Variants in ABCC4 observed in about 807,000 individuals in gnomAD.
The protein encoded by ABCC4 is ATP binding cassette subfamily C member 4 (PEL blood group).
Under a neutral mutation model 168.5 loss-of-function variants are expected in ABCC4, and 102 were observed. The observed-to-expected ratio is 0.61, with a 90% CI of 0.52 to 0.71. The LOEUF (loss-of-function observed/expected upper bound fraction) is 0.71, where lower values mean the gene tolerates loss of function less well. ABCC4 is among the 30% of genes least tolerant of loss of function. ABCC4 has a pLI of 0.00. For synonymous variants in ABCC4, 617 were observed against 590.7 expected, an observed-to-expected ratio of 1.04 and a Z score of -0.65; for missense variants, 1,402 against 1,605.8, an observed-to-expected ratio of 0.87 and a Z score of 2.17.
At chr13:95,281,894 G>A (rs1422581780) in intron 1 of ABCC4, among the ~76,000 whole-genome samples, 1 of 152,158 alleles carries the variant, frequency 6.6e-6, no homozygotes, top group African/African-American at 2.4e-5. Flanking sequence ...ATCACCTGAG[G>A]TTAGGAGTTC....
chr13:95,189,726 A>G (rs1274514945), intron 9 of ABCC4, among the ~76,000 whole-genome samples: 1 of 152,174 alleles, frequency 6.6e-6, no homozygotes, highest in East Asian at 1.9e-4. Flanking sequence ...TAATTTAACA[A>G]TAACCAAAAA....
chr13:95,179,245 C>T (rs61965904), intron 11 of ABCC4, among the ~76,000 whole-genome samples: 21,887 of 152,078 alleles, frequency 0.14, 1,645 homozygotes, highest in Non-Finnish European at 0.17. Flanking sequence ...ATAACACCCG[C>T]CCCATCTTCA....
chr13:95,174,253 T>G lies in ABCC4; in HGVS notation c.1727+3454A>C, dbSNP rs115403920. On this transcript the variant is annotated intron_variant, in intron 13 of 30. Transcript: ENST00000645237. ...AACATATAGTTGTAAAACACAACTC[T>G]TAACAACTCTCGATATATATTCATG... Among the ~76,000 whole-genome samples the G allele has an allele frequency of 6.6e-3, 1,000 of 152,344 alleles. 13 individuals are homozygous for G. Among genetic ancestry groups the G allele is most frequent in the African/African-American group, 0.023 (962 of 41,570 alleles).
In ABCC4 at chr13:95,034,793, T is replaced by C; in HGVS notation, c.3736-54A>G. 1.9e-6 allele frequency: 3 copies of C among 1,609,494 alleles called. No homozygotes were observed. Among genetic ancestry groups the C allele is most frequent in the Non-Finnish European group, 2.5e-6 (3 of 1,178,764 alleles). On this transcript the variant is annotated intron_variant, in intron 29 of 30. Coordinates refer to ENST00000645237, the MANE Select transcript of ABCC4 (RefSeq NM_005845.5). The stretch of plus-strand genomic sequence containing the variant: ...AAACACAATGTTTTGCAGTAACATA[T>C]TATAACAGAGACAATATTTCGGAAA...
intron 1 of ABCC4, among the ~76,000 whole-genome samples, chr13:95,254,424 T>C (rs2040344506): frequency 6.6e-6 from 1 of 152,100 alleles, no homozygotes; most frequent in African/African-American, 2.4e-5. Context: ...CCCTGACTCA[T>C]AACCAACTGC....
intron 30 of ABCC4, among the ~76,000 whole-genome samples, chr13:95,024,934 C>T (rs1270173914): frequency 6.6e-6 from 1 of 151,910 alleles, no homozygotes; most frequent in Non-Finnish European, 1.5e-5. Flanking sequence ...CAACTGGAAC[C>T]AATGGGGCTG....
chr13:95,242,876 AG>A (rs1311624372), intron 3 of ABCC4, among the ~76,000 whole-genome samples: 53 of 152,298 alleles, frequency 3.5e-4, no homozygotes, highest in African/African-American at 1.3e-3. Context: ...TAGAAGGAAA[AG>A]AAAAAAAAAA....
At chr13:95,161,138 A>C in intron 19 of ABCC4, 51 bp downstream of exon 19, 1 of 1,434,986 alleles carries the variant, frequency 7.0e-7, no homozygotes, top group Non-Finnish European at 9.3e-7. Context: ...TCAGATCCTA[A>C]ATGTGTTGTT....
At chr13:95,168,804 C>T (rs74550246) in intron 14 of ABCC4, among the ~76,000 whole-genome samples, 3 of 152,140 alleles carry the variant, frequency 2.0e-5, no homozygotes, top group Non-Finnish European at 4.4e-5. Context: ...TCCATGTCCC[C>T]GGCCACGCTA....
intron 19 of ABCC4, among the ~76,000 whole-genome samples, chr13:95,133,445 G>A (rs1214001664): frequency 6.6e-6 from 1 of 152,046 alleles, no homozygotes; most frequent in African/African-American, 2.4e-5. Context: ...AAACTTTCCA[G>A]CCATCCTTCT....
At chr13:95,256,330 G>A (rs961691360) in intron 1 of ABCC4, among the ~76,000 whole-genome samples, 5 of 152,198 alleles carry the variant, frequency 3.3e-5, no homozygotes, top group African/African-American at 1.2e-4. Context: ...GCAAGTGAAG[G>A]ATCTGACGAC....
intron 3 of ABCC4, among the ~76,000 whole-genome samples, chr13:95,243,182 C>T (rs2039992482): frequency 6.8e-6 from 1 of 147,342 alleles, no homozygotes; most frequent in Non-Finnish European, 1.5e-5. Context: ...ATCTTAACAC[C>T]TTAGCCTGCC....
intron 4 of ABCC4, among the ~76,000 whole-genome samples, chr13:95,227,691 C>T (rs1189852463): frequency 6.6e-6 from 1 of 152,080 alleles, no homozygotes; most frequent in Admixed American, 6.6e-5. Context: ...TGTAAAAAGG[C>T]CCAAAGGAGT....
chr13:95,043,000 C>A (rs2032424023), intron 29 of ABCC4, among the ~76,000 whole-genome samples: 1 of 152,132 alleles, frequency 6.6e-6, no homozygotes. Context: ...GAACTCCTGA[C>A]CTCAAGTAAT....
chr13:95,132,284 C>T (rs957342547), intron 19 of ABCC4, among the ~76,000 whole-genome samples: 2 of 152,114 alleles, frequency 1.3e-5, no homozygotes, highest in Non-Finnish European at 2.9e-5. Context: ...GGCGTGATCT[C>T]GGCTCACTGC....
chr13:95,245,126 T>C (rs1483309286), intron 3 of ABCC4, among the ~76,000 whole-genome samples: 1 of 152,128 alleles, frequency 6.6e-6, no homozygotes, highest in Non-Finnish European at 1.5e-5. Flanking sequence ...TCACCATCTG[T>C]GGGTTAGAGA....
chr13:95,021,880 G>T (rs976410474), intron 30 of ABCC4, among the ~76,000 whole-genome samples, 198 bp from the exon 31 acceptor site: 7 of 152,164 alleles, frequency 4.6e-5, no homozygotes, highest in Admixed American at 3.3e-4. Context: ...TGGGCTGAAT[G>T]CCAAACAACC....
intron 4 of ABCC4, among the ~76,000 whole-genome samples, chr13:95,216,888 T>C (rs965092203): frequency 1.3e-5 from 2 of 152,146 alleles, no homozygotes; most frequent in African/African-American, 2.4e-5. Context: ...CCCTAGGAAA[T>C]GAAGGATCTG....
intron 20 of ABCC4, among the ~76,000 whole-genome samples, chr13:95,110,093 G>A (rs1345341068): frequency 6.6e-6 from 1 of 152,116 alleles, no homozygotes; most frequent in Non-Finnish European, 1.5e-5. Flanking sequence ...CAGATCACTT[G>A]AGGTCAGGAG....
Sources: allele counts gnomAD v4.1 joint callset (sites outside exome capture counted in the v4.1 genomes callset), GRCh38; gene constraint gnomAD v4.1.1; transcripts MANE v1.5; gene names NCBI Gene and HGNC (gene_info 2026-07-23, HGNC 2026-07-21).